TTLL7: variants seen among roughly 807,000 people sequenced by gnomAD.
TTLL7 encodes the protein tubulin tyrosine ligase like 7, also known as tubulin polyglutamylase TTLL7.
In TTLL7, 53 loss-of-function variants were observed where a neutral mutation model predicts 120.2. That is an observed-to-expected ratio of 0.44 (90% CI 0.35 to 0.55). The LOEUF is 0.55. Among genes scored for constraint, TTLL7 ranks in the 20% least tolerant of loss-of-function variants. TTLL7 has a pLI of 0.00. For synonymous variants in TTLL7, 353 were observed against 351.7 expected (o/e 1.00, Z -0.04); for missense variants, 803 against 1,054.7 (o/e 0.76, Z 3.31).
chr1:83,977,733 TATTTAA>T (rs1220428645), intron 1 of TTLL7, among the ~76,000 whole-genome samples: 2 of 152,182 alleles, frequency 1.3e-5, no homozygotes, highest in Admixed American at 6.5e-5. Context: ...AGCATGCTAC[TATTTAA>T]ATTTAAATTT....
Position 83,922,925 on chromosome 1 carries a change from A to G in TTLL7, c.1143-1531T>C, listed in dbSNP as rs536641710. 4.6e-4 allele frequency among the ~76,000 whole-genome samples: 70 copies of G among 150,874 alleles called. 1 individual carries two copies. In the South Asian group the frequency reaches 0.013, roughly 28 times the overall value. ...GAGCAACAAAGGGATTAGAGAAAAA[A>G]GGTAAGTTTAGAGTAATATTTTGGA... On this transcript the variant is annotated intron_variant, in intron 10 of 20. Coordinates refer to ENST00000260505, the MANE Select transcript of TTLL7 (RefSeq NM_024686.6).
At chr1:83,917,718 CA>C (rs1485673262) in intron 13 of TTLL7, 28 bp from the exon 14 acceptor site, 1 of 1,478,828 alleles carries the variant, frequency 6.8e-7, no homozygotes, top group East Asian at 2.3e-5. Context: ...ATTAAAATTA[CA>C]ACCACTAATG....
chr1:83,914,055 T>A (rs1038163005), intron 14 of TTLL7, among the ~76,000 whole-genome samples: 3 of 152,188 alleles, frequency 2.0e-5, no homozygotes, highest in African/African-American at 7.2e-5. Flanking sequence ...TAAAATATAT[T>A]TCTTCCAAAG....
intron 1 of TTLL7, among the ~76,000 whole-genome samples, chr1:83,966,358 CCTCTGTCT>C (rs1650463895): frequency 1.3e-5 from 2 of 151,396 alleles, no homozygotes; most frequent in African/African-American, 2.4e-5. Flanking sequence ...CTCCTCCTTC[CCTCTGTCT>C]CTCTGTCTCT....
chr1:83,910,137 A>G (rs1379535928), intron 15 of TTLL7, among the ~76,000 whole-genome samples: 9 of 152,214 alleles, frequency 5.9e-5, no homozygotes. Flanking sequence ...TAATGTATAA[A>G]CAAAGACCAT....
intron 20 of TTLL7, chr1:83,879,922 C>T (rs940841101): frequency 6.6e-6 from 1 of 151,932 alleles, no homozygotes; most frequent in Non-Finnish European, 1.5e-5. Context: ...CAAGAAGACT[C>T]GTCCTACTTT....
In TTLL7 at chr1:83,956,520, C is replaced by T. The variant is rs532897080; in HGVS notation, c.-176-4133G>A. ...TTGGCTCACTGCAACCTCCGCCTCC[C>T]GGGTTCAAGTGATTCGCCTGCCTCA... On this transcript the variant is annotated intron_variant, in intron 1 of 20. Coordinates refer to ENST00000260505, the MANE Select transcript of TTLL7 (RefSeq NM_024686.6). 3.3e-5 allele frequency among the ~76,000 whole-genome samples: 5 copies of T among 151,646 alleles called. No individual in the cohort carries two copies. The South Asian group carries it at 8.3e-4, about 25-fold the overall frequency.
intron 8 of TTLL7, among the ~76,000 whole-genome samples, chr1:83,934,927 ACT>A (rs1647257824): frequency 6.6e-6 from 1 of 152,176 alleles, no homozygotes; most frequent in Non-Finnish European, 1.5e-5. Flanking sequence ...TATTATTGTT[ACT>A]GTTACTCTAT....
In TTLL7 at chr1:83,890,210, T is replaced by C. The variant is rs113362665; in HGVS notation, c.2369+111A>G. 4.2e-5 allele frequency: 47 copies of C among 1,124,928 alleles called. 2 individuals are homozygous for C. Among genetic ancestry groups the C allele is most frequent in the Middle Eastern group, 4.2e-4 (2 of 4,760 alleles). 69.7% of individuals were successfully genotyped at this position (1,124,928 alleles called of 1,614,324 possible). A position where few individuals can be genotyped will look rare whatever the true frequency, so the allele number is the denominator to read the frequency against. Reference sequence around the variant, plus strand: ...GTTGAGTACTAAACATTACATGCAGTAAAAGAAATCCATATTTTAAAAGAT... The same window carrying C: ...GTTGAGTACTAAACATTACATGCAGCAAAAGAAATCCATATTTTAAAAGAT... On this transcript the variant is annotated intron_variant, in intron 19 of 20. Transcript: ENST00000260505.
At chr1:83,964,921 T>A (rs1650316073) in intron 1 of TTLL7, among the ~76,000 whole-genome samples, 1 of 152,134 alleles carries the variant, frequency 6.6e-6, no homozygotes. Flanking sequence ...TTTTTAATCC[T>A]ACCTAGTATT....
chr1:83,892,217 AAT>A (rs200801301), intron 18 of TTLL7, among the ~76,000 whole-genome samples: 12,072 of 144,174 alleles, frequency 0.084, 687 homozygotes, highest in Middle Eastern at 0.13. Context: ...CATATATATG[AAT>A]ATATATGTGT....
At position 83,868,296 on chromosome 1, in the gene TTLL7, A is replaced by C. The variant is rs1334505836; in HGVS notation, c.*1666T>G. 6.6e-6 allele frequency: 1 copy of C among 152,230 alleles called. No homozygotes were observed. The highest frequency in any genetic ancestry group is 1.5e-5 in the Non-Finnish European group (1 of 68,032). The allele number at this position is 152,230 out of a possible 1,614,324, so 9.4% of individuals were successfully genotyped here. ...AAATAATTAGCAGCTAAAAGAAAAT[A>C]AAACTGTTGGGAGAAGAAGTTTAAA... On this transcript the variant is annotated 3_prime_UTR_variant, in exon 21 of 21. Coordinates refer to ENST00000260505, the MANE Select transcript of TTLL7 (RefSeq NM_024686.6).
chr1:83,998,837 G>T, intron 1 of TTLL7, 94 bp downstream of exon 1: 1 of 326,568 alleles, frequency 3.1e-6, no homozygotes, highest in Non-Finnish European at 6.1e-6. Flanking sequence ...GACAGTCCGG[G>T]GATGGGGGCC....
At chr1:83,905,634 A>T (rs898095613) in intron 17 of TTLL7, among the ~76,000 whole-genome samples, 2 of 151,698 alleles carry the variant, frequency 1.3e-5, no homozygotes, top group African/African-American at 4.8e-5. Context: ...GCCCCCAAAA[A>T]ACAAGGTTCT....
chr1:83,954,265 TAC>T (rs1267624981), intron 1 of TTLL7, among the ~76,000 whole-genome samples: 19 of 152,298 alleles, frequency 1.2e-4, no homozygotes, highest in African/African-American at 4.6e-4. Flanking sequence ...GGCTGATTTG[TAC>T]AGAGTTCAAA....
Position 83,948,637 on chromosome 1 carries a change from T to C in TTLL7, c.338A>G (p.Asn113Ser), listed in dbSNP as rs755705239. ...EICRKDFLARNMTKMIKSRPL... is the reference protein window; with the variant it reads ...EICRKDFLARSMTKMIKSRPL... ...AGAAAATAAAGATTACTTGGTCATA[T>C]TTCTTGCTAAGAAATCCTTCCTACA... The change falls in exon 5 of 21, where the codon AAT (asparagine) becomes AGT (serine). Residue 113 changes from asparagine (N) to serine (S), a missense_variant. Transcript: ENST00000260505. 2 of 1,609,676 alleles carry C rather than the reference T, an allele frequency of 1.2e-6. No individual in the cohort carries two copies. Among genetic ancestry groups the C allele is most frequent in the South Asian group, 1.1e-5 (1 of 90,608 alleles).
At chr1:83,946,993 C>A in intron 6 of TTLL7, 131 bp downstream of exon 6, 1 of 681,442 alleles carries the variant, frequency 1.5e-6, no homozygotes, top group Non-Finnish European at 2.2e-6. Context: ...GGTTCCAAAA[C>A]TACAATAGTT....
chr1:83,892,228 G>GAA (rs1557560724), intron 18 of TTLL7, among the ~76,000 whole-genome samples: 88 of 139,590 alleles, frequency 6.3e-4, no homozygotes, highest in African/African-American at 2.3e-3. Context: ...ATATATATGT[G>GAA]TATATATATG....
In TTLL7 at chr1:83,988,174, T is replaced by C. The variant is rs530240972; in HGVS notation, c.-177+10757A>G. On this transcript the variant is annotated intron_variant, in intron 1 of 20. Coordinates refer to ENST00000260505, the MANE Select transcript of TTLL7 (RefSeq NM_024686.6). ...TCCTGCGTTAATTTGCTTAAGATAATGGCCTCCAGCTGCATCCATGTTGCT... is the reference window on the plus strand; with the variant it reads ...TCCTGCGTTAATTTGCTTAAGATAACGGCCTCCAGCTGCATCCATGTTGCT... Among the ~76,000 whole-genome samples, 77 of 152,370 alleles carry C rather than the reference T, an allele frequency of 5.1e-4. 1 individual carries two copies. In the South Asian group the frequency reaches 0.016, roughly 32 times the overall value.
Sources: allele counts gnomAD v4.1 joint callset (sites outside exome capture counted in the v4.1 genomes callset), GRCh38; gene constraint gnomAD v4.1.1; transcripts MANE v1.5; gene names NCBI Gene and HGNC (gene_info 2026-07-23, HGNC 2026-07-21).